FBXO31: variants seen among roughly 807,000 people sequenced by gnomAD.
FBXO31 encodes F-box protein 31.
Under a neutral mutation model 54.4 loss-of-function variants are expected in FBXO31, and 24 were observed. The observed-to-expected ratio is 0.44, with a 90% confidence interval of 0.32 to 0.62. FBXO31 has a LOEUF of 0.62. Among genes scored for constraint, FBXO31 ranks in the 20% least tolerant of loss-of-function variants. The pLI, the probability that FBXO31 is intolerant of heterozygous loss-of-function variation, is 0.05. For synonymous variants in FBXO31, 388 were observed against 335.6 expected (o/e 1.16, Z -1.71); for missense variants, 665 against 787.1 (o/e 0.84, Z 1.86).
In FBXO31 at chr16:87,345,510, C is replaced by G. The variant is rs1013536040; in HGVS notation, c.489+1664G>C. Among the ~76,000 whole-genome samples the G allele has an allele frequency of 6.6e-6, 1 of 152,192 alleles. No homozygotes were observed. Among genetic ancestry groups the G allele is most frequent in the Admixed American group, 6.5e-5 (1 of 15,276 alleles). On this transcript the variant is annotated intron_variant, in intron 3 of 8. Transcript: ENST00000311635. The surrounding 1 kb of genome is among the most constrained non-coding windows in gnomAD (Gnocchi z 4.9). The stretch of plus-strand genomic sequence containing the variant: ...CTTCACTGTGTTGAATGAGCAGCTA[C>G]TTTTCAACATAAATTGGCAGGTGAC...
upstream of FBXO31, among the ~76,000 whole-genome samples, chr16:87,385,353 G>A (rs1361216905): frequency 6.6e-6 from 1 of 152,042 alleles, no homozygotes; most frequent in Non-Finnish European, 1.5e-5. Context: ...AGCTACTCGG[G>A]AGGCTGAGGC....
rs574303827 is a variant in FBXO31 at position 87,340,912 on chromosome 16, G to C, written c.732+1965C>G. Among the ~76,000 whole-genome samples the C allele has an allele frequency of 4.6e-5, 7 of 152,248 alleles. No homozygotes were observed. The South Asian group carries it at 1.5e-3, about 32-fold the overall frequency. On this transcript the variant is annotated intron_variant, in intron 5 of 8. Coordinates refer to ENST00000311635, the MANE Select transcript of FBXO31 (RefSeq NM_024735.5). Reference sequence around the variant, plus strand: ...GGCAACTCCTATCTGGAAGGGCTTCGATTTCCTAATAGTTAACAAGCTCCT... The same window carrying C: ...GGCAACTCCTATCTGGAAGGGCTTCCATTTCCTAATAGTTAACAAGCTCCT...
chr16:87,380,039 C>T (rs937142875), intron 1 of FBXO31, among the ~76,000 whole-genome samples: 2 of 148,532 alleles, frequency 1.3e-5, no homozygotes, highest in Non-Finnish European at 3.0e-5. Flanking sequence ...GTGGCTCACG[C>T]CTGTAATCCC....
upstream of FBXO31, among the ~76,000 whole-genome samples, chr16:87,385,200 T>G (rs979901060): frequency 1.7e-4 from 26 of 152,204 alleles, no homozygotes; most frequent in African/African-American, 5.5e-4. Flanking sequence ...GGCTCACGCC[T>G]GTAATCCCAG....
At chr16:87,337,558 G>C (rs570211441) in intron 5 of FBXO31, among the ~76,000 whole-genome samples, 2 of 152,210 alleles carry the variant, frequency 1.3e-5, no homozygotes, top group Non-Finnish European at 2.9e-5. Flanking sequence ...TCATGACACG[G>C]CGTGCAAGCC....
chr16:87,387,660 A>G (rs1907370179), upstream of FBXO31, among the ~76,000 whole-genome samples: 1 of 152,206 alleles, frequency 6.6e-6, no homozygotes, highest in African/African-American at 2.4e-5. Context: ...ACAAAAAATT[A>G]GCTGGGCGTG....
chr16:87,354,284 G>T lies in FBXO31; in HGVS notation c.412+6011C>A, dbSNP rs112016674. 4.5e-3 allele frequency among the ~76,000 whole-genome samples: 687 copies of T among 152,120 alleles called. 7 individuals are homozygous for T. Among genetic ancestry groups the T allele is most frequent in the African/African-American group, 0.015 (643 of 41,496 alleles). ...GCCCAGGAGTTCCAGACTGGCCTGG[G>T]TAACATAGGGAGCCCTTGTCTCTAC... On this transcript the variant is annotated intron_variant, in intron 2 of 8. Coordinates refer to ENST00000311635, the MANE Select transcript of FBXO31 (RefSeq NM_024735.5).
chr16:87,336,027 GGAGA>G lies in FBXO31; in HGVS notation c.842+124_842+127del. 1.5e-6 allele frequency: 1 copy of G among 682,480 alleles called. No individual in the cohort carries two copies. The highest frequency in any genetic ancestry group is 1.9e-5 in the South Asian group (1 of 53,138). 42.3% of individuals were successfully genotyped at this position (682,480 alleles called of 1,614,324 possible). On this transcript the variant is annotated intron_variant, in intron 6 of 8. Coordinates refer to ENST00000311635, the MANE Select transcript of FBXO31 (RefSeq NM_024735.5). This position sits in a 1 kb window ranked among gnomAD's most constrained non-coding sequence, Gnocchi z 6.5. ...GGGGCTGTACTCCCAGCCCCCAGCA[GGAGA>G]GAGGGCTGAACCCCAGCACCCACTG... is the stretch of plus-strand genomic sequence containing the variant.
At chr16:87,375,068 C>T (rs1767206835) in intron 1 of FBXO31, among the ~76,000 whole-genome samples, 1 of 152,158 alleles carries the variant, frequency 6.6e-6, no homozygotes. Flanking sequence ...CTTGTAATCC[C>T]AGCACTTTGG....
intron 1 of FBXO31, among the ~76,000 whole-genome samples, chr16:87,372,380 G>A (rs1567486538): frequency 6.6e-6 from 1 of 152,090 alleles, no homozygotes; most frequent in African/African-American, 2.4e-5. Flanking sequence ...AAGGAAAAAG[G>A]CTTTCCCCAC....
At chr16:87,383,977 G>A (rs1378148296), upstream of FBXO31, 3 of 242,642 alleles carry the variant, frequency 1.2e-5, no homozygotes, top group African/African-American at 6.9e-5. The surrounding 1 kb of genome is among the most constrained non-coding windows in gnomAD (Gnocchi z 4.9). Context: ...GCCCGTGACG[G>A]GCATGAGAAA....
chr16:87,345,958 T>C lies in FBXO31; in HGVS notation c.489+1216A>G, dbSNP rs1221374490. 1.3e-5 allele frequency among the ~76,000 whole-genome samples: 2 copies of C among 152,160 alleles called. No individual in the cohort carries two copies. The highest frequency in any genetic ancestry group is 2.9e-5 in the Non-Finnish European group (2 of 68,028). On this transcript the variant is annotated intron_variant, in intron 3 of 8. Coordinates refer to ENST00000311635, the MANE Select transcript of FBXO31 (RefSeq NM_024735.5). This position sits in a 1 kb window ranked among gnomAD's most constrained non-coding sequence, Gnocchi z 4.9. ...CAGCCCCATGCTGCACACAGGCAGT[T>C]GCACGAGGCACCTGCGGAATCCTGA...
Position 87,333,925 on chromosome 16 carries a change from C to T in FBXO31, c.1358G>A (p.Ser453Asn). Residue 453 changes from serine to asparagine, a missense_variant, in exon 8 of 9, where the codon AGC becomes AAC. Transcript: ENST00000311635. Reference protein sequence around the residue: ...GQPFVLPVGVSSRNEDYPRTC... With the variant: ...GQPFVLPVGVNSRNEDYPRTC... ...TCGGGGGTAGTCCTCATTCCTGGAG[C>T]TCACGCCCACGGGCAGCACGAACGG... is the stretch of plus-strand genomic sequence containing the variant. 1.9e-6 allele frequency: 3 copies of T among 1,611,098 alleles called. No individual in the cohort carries two copies. The highest frequency in any genetic ancestry group is 2.5e-6 in the Non-Finnish European group (3 of 1,178,726).
At chr16:87,362,985 G>C (rs901936607) in intron 1 of FBXO31, among the ~76,000 whole-genome samples, 1 of 152,236 alleles carries the variant, frequency 6.6e-6, no homozygotes, top group Non-Finnish European at 1.5e-5. Context: ...CCAGGGATGA[G>C]GAGCTGACAT....
chr16:87,350,293 G>C (rs1021262580), intron 2 of FBXO31, among the ~76,000 whole-genome samples: 1 of 152,160 alleles, frequency 6.6e-6, no homozygotes, highest in African/African-American at 2.4e-5. Context: ...TCAAGCCTTT[G>C]GAGAAGACGC....
intron 2 of FBXO31, among the ~76,000 whole-genome samples, chr16:87,350,646 G>T (rs920048749): frequency 2.0e-5 from 3 of 152,160 alleles, no homozygotes; most frequent in Admixed American, 6.5e-5. Context: ...GCGGCTGGGT[G>T]ATAACAAAAT....
At chr16:87,390,299 A>G (rs1185074021), upstream of FBXO31, among the ~76,000 whole-genome samples, 2 of 152,178 alleles carry the variant, frequency 1.3e-5, no homozygotes. Flanking sequence ...AATAAATAAA[A>G]TAAACAGTGG....
chr16:87,333,863 C>A (rs1481055506), intron 8 of FBXO31, 23 bp downstream of exon 8: 2 of 1,572,622 alleles, frequency 1.3e-6, no homozygotes, highest in Non-Finnish European at 1.7e-6. Flanking sequence ...ACCTTCAGGC[C>A]CCAGTACCCG....
In FBXO31 at chr16:87,380,450, G is replaced by C. The variant is rs1048105347; in HGVS notation, c.340+2955C>G. 2.6e-5 allele frequency among the ~76,000 whole-genome samples: 4 copies of C among 152,172 alleles called. 1 individual carries two copies. Among genetic ancestry groups the C allele is most frequent in the Middle Eastern group, 6.8e-3 (2 of 294 alleles). On this transcript the variant is annotated intron_variant, in intron 1 of 8. Coordinates refer to ENST00000311635, the MANE Select transcript of FBXO31 (RefSeq NM_024735.5). ...AGGGTCTCACTCTGTCACCCGGACT[G>C]GAGTGCAGTAGCATGTTCACAGCTC...
Sources: allele counts gnomAD v4.1 joint callset (sites outside exome capture counted in the v4.1 genomes callset), GRCh38; gene constraint gnomAD v4.1.1; non-coding constraint Gnocchi (gnomAD v3.1); transcripts MANE v1.5; gene names NCBI Gene and HGNC (gene_info 2026-07-23, HGNC 2026-07-21).